Variants in DPP10 observed in about 807,000 individuals in gnomAD.
The protein encoded by DPP10 is inactive dipeptidyl peptidase 10.
DPP10 carries 33 observed loss-of-function variants against 120.9 expected under a neutral mutation model. That is an observed-to-expected ratio of 0.27 (90% CI 0.21 to 0.37). The LOEUF (loss-of-function observed/expected upper bound fraction) is 0.37. Among genes scored for constraint, DPP10 ranks in the 10% least tolerant of loss-of-function variants. The probability of loss-of-function intolerance (pLI) is 1.00; values close to 1 mark genes in which losing one functional copy is unlikely to be tolerated. For synonymous variants in DPP10, 337 were observed against 326.1 expected (o/e 1.03, Z -0.36); for missense variants, 816 against 942.8 (o/e 0.87, Z 1.76).
At chr2:115,221,895 A>G (rs2057190206) in intron 1 of DPP10, among the ~76,000 whole-genome samples, 1 of 151,948 alleles carries the variant, frequency 6.6e-6, no homozygotes, top group South Asian at 2.1e-4. Context: ...ATTGGGCATC[A>G]AAGGATTGCC....
intron 1 of DPP10, among the ~76,000 whole-genome samples, chr2:115,017,478 T>C (rs1702732638): frequency 6.6e-6 from 1 of 152,122 alleles, no homozygotes; most frequent in South Asian, 2.1e-4. Flanking sequence ...AGAAATACCA[T>C]TTGACCCAGC....
chr2:114,579,663 G>C (rs1309990057), intron 1 of DPP10, among the ~76,000 whole-genome samples: 1 of 152,094 alleles, frequency 6.6e-6, no homozygotes, highest in African/African-American at 2.4e-5. Flanking sequence ...ATAAGACTTG[G>C]GAGCTTTCTG....
At chr2:114,549,172 G>C (rs937712227) in intron 1 of DPP10, among the ~76,000 whole-genome samples, 1 of 151,820 alleles carries the variant, frequency 6.6e-6, no homozygotes, top group Admixed American at 6.6e-5. Flanking sequence ...CATGCCGGGG[G>C]TGGGCGTGAG....
intron 1 of DPP10, among the ~76,000 whole-genome samples, chr2:115,301,845 G>A (rs2061152217): frequency 6.6e-6 from 1 of 151,966 alleles, no homozygotes; most frequent in Admixed American, 6.6e-5. Context: ...TGCTAAAAGT[G>A]TAAAACTAAC....
At chr2:114,892,315 T>A (rs1692606673) in intron 1 of DPP10, among the ~76,000 whole-genome samples, 1 of 152,138 alleles carries the variant, frequency 6.6e-6, no homozygotes, top group Admixed American at 6.6e-5. Flanking sequence ...CTGCTACCCC[T>A]CCTCCTGGGT....
At chr2:114,914,985 G>A (rs1012199786) in intron 1 of DPP10, among the ~76,000 whole-genome samples, 7 of 152,164 alleles carry the variant, frequency 4.6e-5, no homozygotes, top group Non-Finnish European at 5.9e-5. Context: ...CAAAAAATTA[G>A]CCGGGCGTAG....
chr2:114,701,641 G>T (rs189015669), intron 1 of DPP10, among the ~76,000 whole-genome samples: 144 of 152,184 alleles, frequency 9.5e-4, no homozygotes, highest in African/African-American at 3.2e-3. Flanking sequence ...TTTGACAGAA[G>T]TTTATTTAAT....
chr2:115,503,659 A>G (rs753471687), intron 4 of DPP10, among the ~76,000 whole-genome samples: 6 of 152,172 alleles, frequency 3.9e-5, no homozygotes, highest in Non-Finnish European at 7.4e-5. Context: ...CCCAGTAGTG[A>G]TAGACATCAG....
rs376587549 is a variant in DPP10, at chr2:115,334,915, CT to C, written c.176-8889del. ...CTATGCAAAATATACCAGGATATAT[CT>C]TTTTTTTTTTTTGGTTCTACTACTG... On this transcript the variant is annotated intron_variant, in intron 2 of 25. Transcript: ENST00000410059. Among the ~76,000 whole-genome samples, 592 of 142,710 alleles carry C rather than the reference CT, an allele frequency of 4.1e-3. 1 individual carries two copies. The highest frequency in any genetic ancestry group is 7.4e-3 in the Middle Eastern group (2 of 272). 93.6% of individuals were successfully genotyped at this position (142,710 alleles called of 152,430 possible). A position where few individuals can be genotyped will look rare whatever the true frequency, so the allele number is the denominator to read the frequency against.
Position 115,751,965 on chromosome 2 carries a change from A to T in DPP10, c.951-1209A>T, listed in dbSNP as rs1170218883. ...AGGCATGTGCCACAACACCCGGCTA[A>T]TTTTTTGTATTTTTAATAGAGACAG... On this transcript the variant is annotated intron_variant, in intron 10 of 25. Transcript: ENST00000410059. Among the ~76,000 whole-genome samples, 6 of 151,698 alleles carry T rather than the reference A, an allele frequency of 4.0e-5. No individual in the cohort carries two copies. The East Asian group carries it at 1.2e-3, about 30-fold the overall frequency.
intron 1 of DPP10, among the ~76,000 whole-genome samples, chr2:115,242,229 C>T (rs751165783): frequency 8.5e-5 from 13 of 152,264 alleles, no homozygotes; most frequent in East Asian, 1.9e-4. Context: ...GTTGAGTTCT[C>T]GCTTATGAGT....
At chr2:114,584,718 A>G (rs1690811167) in intron 1 of DPP10, among the ~76,000 whole-genome samples, 2 of 152,154 alleles carry the variant, frequency 1.3e-5, no homozygotes. Flanking sequence ...CCAATGACTC[A>G]GATAAACTGC....
intron 5 of DPP10, among the ~76,000 whole-genome samples, chr2:115,581,087 G>A (rs1159631558): frequency 1.3e-5 from 2 of 152,104 alleles, no homozygotes; most frequent in African/African-American, 4.8e-5. Flanking sequence ...TAGTCAGCTG[G>A]GAGAAACCTG....
At chr2:114,800,504 G>C (rs1272181213) in intron 1 of DPP10, among the ~76,000 whole-genome samples, 1 of 152,116 alleles carries the variant, frequency 6.6e-6, no homozygotes, top group Non-Finnish European at 1.5e-5. Flanking sequence ...AGAACAAAGA[G>C]AATAGCACAA....
chr2:115,358,555 T>A (rs1449204791), intron 3 of DPP10, among the ~76,000 whole-genome samples: 1 of 152,146 alleles, frequency 6.6e-6, no homozygotes, highest in Non-Finnish European at 1.5e-5. Flanking sequence ...TTTCCTATCT[T>A]CTTCTGAGCC....
chr2:114,857,644 G>A (rs1014096875), intron 1 of DPP10, among the ~76,000 whole-genome samples: 1 of 152,134 alleles, frequency 6.6e-6, no homozygotes, highest in Non-Finnish European at 1.5e-5. Context: ...ACTAGTAATA[G>A]TATTCATATG....
intron 1 of DPP10, among the ~76,000 whole-genome samples, chr2:115,204,474 A>G (rs942243614): frequency 6.6e-6 from 1 of 152,138 alleles, no homozygotes; most frequent in African/African-American, 2.4e-5. Context: ...TAACAGAAAA[A>G]AAAATAGCCT....
At chr2:114,481,265 G>A (rs1023765685) in intron 1 of DPP10, among the ~76,000 whole-genome samples, 3 of 151,874 alleles carry the variant, frequency 2.0e-5, no homozygotes, top group Non-Finnish European at 4.4e-5. Flanking sequence ...AAGACATAAA[G>A]AAATATTTCA....
intron 3 of DPP10, among the ~76,000 whole-genome samples, chr2:115,421,432 C>A (rs2069944110): frequency 6.6e-6 from 1 of 152,044 alleles, no homozygotes; most frequent in African/African-American, 2.4e-5. Context: ...GCATATATTC[C>A]TGGAGTGTCA....
Sources: gnomAD v4.1 joint callset for allele counts (sites outside exome capture counted in the v4.1 genomes callset) on GRCh38, gnomAD v4.1.1 for gene constraint, MANE v1.5 for transcripts, NCBI Gene and HGNC (gene_info 2026-07-23, HGNC 2026-07-21) for gene names.